The following TRAPPC8 variants were observed in gnomAD, a reference collection of about 807,000 sequenced individuals.
TRAPPC8 encodes the protein general sporulation gene 1 homolog.
Under a neutral mutation model 174.3 loss-of-function variants are expected in TRAPPC8, and 54 were observed. The observed-to-expected ratio is 0.31, with a 90% CI of 0.25 to 0.39. The LOEUF is 0.39. Among genes scored for constraint, TRAPPC8 ranks in the 10% least tolerant of loss-of-function variants. The probability of loss-of-function intolerance (pLI) is 1.00; values close to 1 mark genes in which losing one functional copy is unlikely to be tolerated. For synonymous variants in TRAPPC8, 630 were observed against 579.9 expected, an observed-to-expected ratio of 1.09 and a Z score of -1.24; for missense variants, 1,531 against 1,699.1, an observed-to-expected ratio of 0.90 and a Z score of 1.74.
At chr18:31,873,375 A>C (rs1223085550) in intron 14 of TRAPPC8, 55 bp downstream of exon 14, 6 of 1,400,320 alleles carry the variant, frequency 4.3e-6, no homozygotes, top group Non-Finnish European at 5.9e-6. Context: ...AGAAAGGAAA[A>C]GAAGTTTTTT....
rs949096266 is a variant in TRAPPC8, at chr18:31,830,406, T to C, written c.*349A>G. The C allele has an allele frequency of 3.6e-5, 7 of 193,862 alleles. No homozygotes were observed. The East Asian group carries it at 8.6e-4, about 24-fold the overall frequency. 12.0% of individuals were successfully genotyped at this position (193,862 alleles called of 1,614,324 possible). On this transcript the variant is annotated 3_prime_UTR_variant, in exon 29 of 29. Coordinates refer to ENST00000283351, the MANE Select transcript of TRAPPC8 (RefSeq NM_014939.5). ...ACAGGAGTACTGCCAACAAGGCCTT[T>C]CCTTTCTCAGAATCATCTCCTAATA...
intron 2 of TRAPPC8, among the ~76,000 whole-genome samples, chr18:31,918,114 A>G (rs1436791784): frequency 1.3e-5 from 2 of 152,184 alleles, no homozygotes; most frequent in African/African-American, 4.8e-5. Flanking sequence ...TGACAGAATG[A>G]GACTCCGTCT....
intron 20 of TRAPPC8, 49 bp downstream of exon 20, chr18:31,857,491 A>G (rs1199490362): frequency 7.1e-7 from 1 of 1,411,884 alleles, no homozygotes; most frequent in African/African-American, 1.5e-5. Flanking sequence ...GAATATGTGC[A>G]TATACATTGA....
intron 8 of TRAPPC8, 129 bp from the exon 9 acceptor site, chr18:31,907,739 A>G: frequency 1.4e-6 from 1 of 726,700 alleles, no homozygotes; most frequent in Non-Finnish European, 2.0e-6. Flanking sequence ...AAGAAATTCT[A>G]CCTCCAACAA....
chr18:31,895,525 T>G (rs568421926), intron 11 of TRAPPC8, among the ~76,000 whole-genome samples: 165 of 151,678 alleles, frequency 1.1e-3, no homozygotes, highest in Middle Eastern at 0.01. Flanking sequence ...AAACAAAGAG[T>G]TGGAAAGAAG....
chr18:31,930,511 C>G (rs1402010415), intron 2 of TRAPPC8, among the ~76,000 whole-genome samples: 1 of 152,164 alleles, frequency 6.6e-6, no homozygotes, highest in Non-Finnish European at 1.5e-5. Context: ...TATTAGACTG[C>G]TGAAATATGT....
intron 4 of TRAPPC8, among the ~76,000 whole-genome samples, chr18:31,915,480 G>C (rs1445014954): frequency 7.3e-6 from 1 of 136,728 alleles, no homozygotes; most frequent in Admixed American, 7.0e-5. Flanking sequence ...GGGGGGGGGG[G>C]CGCAGGCGCA....
At chr18:31,932,997 C>CA (rs35234467) in intron 1 of TRAPPC8, among the ~76,000 whole-genome samples, 11,513 of 42,488 alleles carry the variant, frequency 0.27, 2,325 homozygotes, top group African/African-American at 0.32. Context: ...GACTCCGTCT[C>CA]AAAAAAAAAA....
chr18:31,860,291 G>A (rs1441289984), intron 19 of TRAPPC8, among the ~76,000 whole-genome samples: 1 of 151,972 alleles, frequency 6.6e-6, no homozygotes, highest in African/African-American at 2.4e-5. Flanking sequence ...AATAGTGCTT[G>A]TGCGTAAGAA....
intron 22 of TRAPPC8, 47 bp downstream of exon 22, chr18:31,853,802 G>C (rs542560877): frequency 1.4e-6 from 2 of 1,408,004 alleles, no homozygotes; most frequent in Non-Finnish European, 2.0e-6. Flanking sequence ...GGAAAACCAA[G>C]TAATGAAGTT....
Position 31,864,725 on chromosome 18 carries a change from G to C in TRAPPC8, c.2647C>G (p.Pro883Ala), listed in dbSNP as rs774220702. 6.2e-7 allele frequency: 1 copy of C among 1,612,590 alleles called. No homozygotes were observed. The highest frequency in any genetic ancestry group is 1.1e-5 in the South Asian group (1 of 90,898). ...RGKQDLEIQG[P>A]RLNNTKEEKT... is the part of the protein sequence containing the mutation. ...TCTTCTTTTGTGTTGTTAAGTCGAGGACCTTGAATTTCTAAATCCTGCTTC... is the reference window on the plus strand; with the variant it reads ...TCTTCTTTTGTGTTGTTAAGTCGAGCACCTTGAATTTCTAAATCCTGCTTC... The change falls in exon 19 of 29, where the codon CCT becomes GCT. Residue 883 changes from proline to alanine, a missense_variant. Pro to Ala is a conservative substitution (Grantham distance 27, BLOSUM62 -1). Coordinates refer to ENST00000283351, the MANE Select transcript of TRAPPC8 (RefSeq NM_014939.5).
At chr18:31,938,427 C>A (rs1221108392) in intron 1 of TRAPPC8, among the ~76,000 whole-genome samples, 4 of 151,846 alleles carry the variant, frequency 2.6e-5, no homozygotes, top group Non-Finnish European at 2.9e-5. Flanking sequence ...TCTAAGGAAC[C>A]TAAAATGGCT....
intron 1 of TRAPPC8, among the ~76,000 whole-genome samples, chr18:31,938,251 C>A (rs1397717379): frequency 2.0e-5 from 3 of 151,934 alleles, no homozygotes; most frequent in African/African-American, 7.3e-5. Flanking sequence ...AGTGGAAATT[C>A]TTTGAGTATT....
chr18:31,859,829 A>AAC (rs1308678776), intron 19 of TRAPPC8, among the ~76,000 whole-genome samples: 5 of 152,184 alleles, frequency 3.3e-5, no homozygotes, highest in African/African-American at 1.2e-4. Flanking sequence ...CAGCCTGACC[A>AAC]ACATGGTGAA....
chr18:31,906,141 C>T (rs1195695521), intron 9 of TRAPPC8, among the ~76,000 whole-genome samples: 2 of 142,478 alleles, frequency 1.4e-5, no homozygotes, highest in Non-Finnish European at 3.0e-5. Flanking sequence ...CCAGCCTGGG[C>T]AACACAGCGA....
At chr18:31,899,390 A>G (rs1280555457) in intron 10 of TRAPPC8, among the ~76,000 whole-genome samples, 1 of 152,108 alleles carries the variant, frequency 6.6e-6, no homozygotes, top group Non-Finnish European at 1.5e-5. Flanking sequence ...GAACACTCAA[A>G]AAATGTTTAT....
chr18:31,900,590 ATTGTTTAACTAT>A (rs2036377933), intron 10 of TRAPPC8, among the ~76,000 whole-genome samples: 1 of 152,200 alleles, frequency 6.6e-6, no homozygotes, highest in South Asian at 2.1e-4. Context: ...TGAATACAAT[ATTGTTTAACTAT>A]TTGTGTTTTG....
chr18:31,845,440 C>T (rs2145006742), intron 26 of TRAPPC8, among the ~76,000 whole-genome samples: 1 of 150,726 alleles, frequency 6.6e-6, no homozygotes, highest in South Asian at 2.1e-4. Context: ...CAATGTTAAA[C>T]TTCCTGAATG....
In TRAPPC8 at chr18:31,911,871, C is replaced by CAA. The variant is rs35950290; in HGVS notation, c.771+1496_771+1497dup. ...TGGGCGACAGAGCGAGATCCTGTCT[C>CAA]AAAAAAAAAAAAAAAAAAAATTTTC... On this transcript the variant is annotated intron_variant, in intron 5 of 28. Coordinates refer to ENST00000283351, the MANE Select transcript of TRAPPC8 (RefSeq NM_014939.5). 9.4e-3 allele frequency among the ~76,000 whole-genome samples: 882 copies of CAA among 93,668 alleles called. 10 individuals carry two copies. The highest frequency in any genetic ancestry group is 0.011 in the Non-Finnish European group (509 of 45,502). 61.4% of individuals were successfully genotyped at this position (93,668 alleles called of 152,430 possible).
Sources: gnomAD v4.1 joint callset for allele counts (sites outside exome capture counted in the v4.1 genomes callset) on GRCh38, gnomAD v4.1.1 for gene constraint, MANE v1.5 for transcripts, NCBI Gene and HGNC (gene_info 2026-07-23, HGNC 2026-07-21) for gene names.